STARD7: variants seen among roughly 807,000 people sequenced by gnomAD.
STARD7 encodes StAR related lipid transfer domain containing 7.
A neutral mutation model predicts 45.3 loss-of-function variants in STARD7; 30 were observed. That is an observed-to-expected ratio of 0.66 (90% CI 0.50 to 0.90). The LOEUF (loss-of-function observed/expected upper bound fraction) is 0.90, where lower values mean the gene tolerates loss of function less well. STARD7 is among the 40% of genes least tolerant of loss of function. STARD7 has a pLI of 0.00. For synonymous variants in STARD7, 199 were observed against 183.0 expected (o/e 1.09, Z -0.70); for missense variants, 495 against 491.3 (o/e 1.01, Z -0.07).
At chr2:96,187,587 C>G (rs1202674695) in intron 6 of STARD7, 1 of 251,028 alleles carries the variant, frequency 4.0e-6, no homozygotes, top group African/African-American at 2.3e-5. Flanking sequence ...ATGCTGAACA[C>G]AGGCTTTGCT....
chr2:96,205,036 G>A (rs1327360327), intron 1 of STARD7, among the ~76,000 whole-genome samples: 2 of 152,170 alleles, frequency 1.3e-5, no homozygotes, highest in African/African-American at 4.8e-5. Context: ...CTTTTTAACT[G>A]TTCCAAAGCA....
At chr2:96,188,265 A>AATTTTTTTTTTTTTTTT in intron 6 of STARD7, 1 of 43,980 alleles carries the variant, frequency 2.3e-5, no homozygotes, top group Non-Finnish European at 4.2e-5. Flanking sequence ...ACAGACCAAG[A>AATTTTTTTTTTTTTTTT]CTTTTTTTTT....
At chr2:96,198,320 CAA>C (rs199740020) in intron 1 of STARD7, among the ~76,000 whole-genome samples, 11 of 113,378 alleles carry the variant, frequency 9.7e-5, no homozygotes, top group Non-Finnish European at 1.1e-4. Context: ...AAAACTGTCT[CAA>C]AAAAAAAAAA....
Position 96,192,429 on chromosome 2 carries a change from G to C in STARD7, c.783C>G (p.Phe261Leu), listed in dbSNP as rs769915830. Residue 261 changes from phenylalanine to leucine, a missense_variant, in exon 6 of 8, where the codon TTC becomes TTG. Physicochemically the swap from Phe to Leu is conservative, Grantham distance 22. Around this residue, in one of 2 missense-constraint regions of STARD7, gnomAD observed 213 missense variants for 271.2 expected, o/e 0.79. Coordinates refer to ENST00000337288, the MANE Select transcript of STARD7 (RefSeq NM_020151.4). ...GGGATTCATATGATCTGACCCTGAC[G>C]AATTCTGGAGACTCTGGCACACTCG... The part of the protein sequence containing the change: ...EHPSVPESPE[F>L]VRVRSYESQM... 1.2e-6 allele frequency: 2 copies of C among 1,613,892 alleles called. No individual in the cohort carries two copies. The highest frequency in any genetic ancestry group is 1.1e-5 in the South Asian group (1 of 91,080).
intron 6 of STARD7, among the ~76,000 whole-genome samples, chr2:96,190,212 G>C (rs1683104194): frequency 6.6e-6 from 1 of 152,112 alleles, no homozygotes; most frequent in African/African-American, 2.4e-5. Flanking sequence ...AAGCAAGACA[G>C]CTTCTGGGGT....
chr2:96,207,018 T>G (rs1011388379), intron 1 of STARD7, among the ~76,000 whole-genome samples: 3 of 152,232 alleles, frequency 2.0e-5, no homozygotes, highest in Admixed American at 6.5e-5. Flanking sequence ...TTAACTTTTT[T>G]GTGAATAAGG....
At chr2:96,197,122 A>AACATAAAATAACATAACAT (rs1461743295) in intron 1 of STARD7, among the ~76,000 whole-genome samples, 1 of 146,562 alleles carries the variant, frequency 6.8e-6, no homozygotes, top group Admixed American at 6.8e-5. Flanking sequence ...AAAATAAAAT[A>AACATAAAATAACATAACAT]AAGCCAAGCA....
chr2:96,189,342 C>A (rs1683088794), intron 6 of STARD7, among the ~76,000 whole-genome samples: 2 of 152,174 alleles, frequency 1.3e-5, no homozygotes. Flanking sequence ...ACATGGACTC[C>A]TCCAGACTCC....
chr2:96,208,192 G>C lies in STARD7; in HGVS notation c.243C>G (p.Gly81=). ...HASALMAALA[G]VFVWDEERIQ... ...TCCTCTCCTCGTCCCAAACGAAGAC[G>C]CCGGCTAACGCCGCCATCAAGGCAG... Residue 81 remains glycine (G), a synonymous_variant, in exon 1 of 8, where the codon GGC becomes GGG. Transcript: ENST00000337288. 2 of 1,604,680 alleles carry C rather than the reference G, an allele frequency of 1.2e-6. No individual in the cohort carries two copies. Among genetic ancestry groups the C allele is most frequent in the Non-Finnish European group, 1.7e-6 (2 of 1,176,288 alleles).
chr2:96,189,669 G>A (rs987192942), intron 6 of STARD7, among the ~76,000 whole-genome samples: 12 of 144,740 alleles, frequency 8.3e-5, no homozygotes, highest in African/African-American at 2.8e-4. Context: ...TCGCACCACT[G>A]CACTCCAGCC....
At chr2:96,204,960 A>C (rs1218660349) in intron 1 of STARD7, among the ~76,000 whole-genome samples, 1 of 152,198 alleles carries the variant, frequency 6.6e-6, no homozygotes. Context: ...TGAGGAGGTT[A>C]ATGGAACATT....
chr2:96,187,520 AAC>A (rs1348666611), intron 6 of STARD7: 2 of 478,662 alleles, frequency 4.2e-6, no homozygotes, highest in African/African-American at 3.9e-5. Flanking sequence ...GCTCCCAGTC[AAC>A]AGTTAGCTGA....
intron 6 of STARD7, among the ~76,000 whole-genome samples, chr2:96,191,605 T>A (rs1683126420): frequency 6.6e-6 from 1 of 151,988 alleles, no homozygotes; most frequent in Admixed American, 6.6e-5. Context: ...TTGAATCATG[T>A]CTTCTAACCC....
At chr2:96,187,039 C>T in intron 7 of STARD7, 125 bp from the exon 8 acceptor site, 1 of 993,078 alleles carries the variant, frequency 1.0e-6, no homozygotes, top group South Asian at 1.7e-5. Flanking sequence ...ACCTGACTAG[C>T]CTGTGAATAA....
chr2:96,187,117 A>AG, intron 7 of STARD7, 100 bp downstream of exon 7: 1 of 1,026,058 alleles, frequency 9.7e-7, no homozygotes, highest in Non-Finnish European at 1.4e-6. Flanking sequence ...AAAAAAAAAA[A>AG]AGAAGAACCA....
Position 96,193,295 on chromosome 2 carries a change from C to T in STARD7, c.607G>A (p.Glu203Lys). ...TCGGAACCACTAACCACATCCCTCT[C>T]AATCACCTCCAGCTTGATTACCAGG... ...DALVIKLEVI[E>K]RDVVSGSEVL... Residue 203 changes from glutamate (E) to lysine (K), a missense_variant, in exon 4 of 8, where the codon GAG becomes AAG. Glu to Lys is a moderately conservative substitution (Grantham distance 56). This residue lies in a region of STARD7 where 213 missense variants were observed against 271.2 expected (regional missense o/e 0.79). Transcript: ENST00000337288. 2.5e-6 allele frequency: 4 copies of T among 1,613,946 alleles called. No individual in the cohort carries two copies. Among genetic ancestry groups the T allele is most frequent in the Non-Finnish European group, 3.4e-6 (4 of 1,179,852 alleles).
At chr2:96,200,895 G>T (rs1370926285) in intron 1 of STARD7, among the ~76,000 whole-genome samples, 1 of 152,082 alleles carries the variant, frequency 6.6e-6, no homozygotes, top group South Asian at 2.1e-4. Flanking sequence ...TTGCTGGCTG[G>T]CTGTCTTATA....
chr2:96,199,568 TACTA>T (rs1476276738), intron 1 of STARD7, among the ~76,000 whole-genome samples: 1 of 152,112 alleles, frequency 6.6e-6, no homozygotes, highest in Non-Finnish European at 1.5e-5. Flanking sequence ...GTAGATTCCT[TACTA>T]TTTTCTAAAT....
At chr2:96,204,749 C>CAAAA (rs397959036) in intron 1 of STARD7, among the ~76,000 whole-genome samples, 11 of 96,144 alleles carry the variant, frequency 1.1e-4, no homozygotes, top group African/African-American at 3.5e-4. Flanking sequence ...TGACAATGGC[C>CAAAA]AAAAAAAAAA....
Sources: allele counts gnomAD v4.1 joint callset (sites outside exome capture counted in the v4.1 genomes callset), GRCh38; gene constraint gnomAD v4.1.1; regional missense constraint gnomAD v4.1.1; transcripts MANE v1.5; gene names NCBI Gene and HGNC (gene_info 2026-07-23, HGNC 2026-07-21).